The following PBRM1 variants were observed in gnomAD, a reference collection of about 807,000 sequenced individuals.
PBRM1 encodes the protein polybromo 1, also known as protein polybromo-1.
Under a neutral mutation model 194.5 loss-of-function variants are expected in PBRM1, and 27 were observed. The ratio of observed to expected loss-of-function variants is 0.14; its 90% CI spans 0.10 to 0.19. The LOEUF is 0.19. PBRM1 is among the 10% of genes least tolerant of loss of function. The probability of loss-of-function intolerance (pLI) is 1.00; values close to 1 mark genes in which losing one functional copy is unlikely to be tolerated. For missense variants in PBRM1, 1,466 were observed against 2,077.2 expected (o/e 0.71, Z 5.72); for synonymous variants, 655 against 693.2 (o/e 0.94, Z 0.87).
At chr3:52,671,146 CTCTTT>C in intron 2 of PBRM1, among the ~76,000 whole-genome samples, 1 of 152,350 alleles carries the variant, frequency 6.6e-6, no homozygotes, top group Admixed American at 6.5e-5. Context: ...AAATAAATTT[CTCTTT>C]TGTTTCAGCC....
At chr3:52,632,254 C>A (rs1012083330) in intron 11 of PBRM1, among the ~76,000 whole-genome samples, 7 of 152,082 alleles carry the variant, frequency 4.6e-5, no homozygotes. Context: ...AAAATATACT[C>A]CATGACATTA....
At chr3:52,613,131 ATT>A (rs2094737837) in intron 15 of PBRM1, among the ~76,000 whole-genome samples, 1 of 152,050 alleles carries the variant, frequency 6.6e-6, no homozygotes, top group Admixed American at 6.6e-5. Flanking sequence ...TTTTATTTTT[ATT>A]TGTTTTATCC....
intron 9 of PBRM1, among the ~76,000 whole-genome samples, chr3:52,642,547 C>T (rs1297215271): frequency 7.2e-6 from 1 of 138,992 alleles, no homozygotes; most frequent in East Asian, 2.2e-4. Context: ...ATCCAGGAGG[C>T]AGAGGTTGCA....
exon 23 of PBRM1, chr3:52,564,180 T>C (rs1370836009): frequency 6.2e-7 from 1 of 1,613,842 alleles, no homozygotes; most frequent in African/African-American, 1.3e-5. Flanking sequence ...TTTTCTGGTA[T>C]TTCAGTTGGC....
At chr3:52,558,731 C>A (rs555852464) in intron 25 of PBRM1, among the ~76,000 whole-genome samples, 1 of 152,184 alleles carries the variant, frequency 6.6e-6, no homozygotes, top group African/African-American at 2.4e-5. Flanking sequence ...ACGAGGCACC[C>A]TGAAGATGAG....
intron 2 of PBRM1, 70 bp downstream of exon 3, chr3:52,678,430 C>T: frequency 9.9e-7 from 1 of 1,014,158 alleles, no homozygotes; most frequent in South Asian, 1.4e-5. Context: ...AGCTCAATTT[C>T]CAAACACTTT....
At chr3:52,558,683 G>T (rs1322178906) in intron 25 of PBRM1, among the ~76,000 whole-genome samples, 1 of 152,176 alleles carries the variant, frequency 6.6e-6, no homozygotes, top group Non-Finnish European at 1.5e-5. Context: ...CAGGTTTTAT[G>T]TAAACACGTC....
At chr3:52,590,657 A>G (rs1265324737) in intron 17 of PBRM1, among the ~76,000 whole-genome samples, 1 of 143,868 alleles carries the variant, frequency 7.0e-6, no homozygotes, top group Non-Finnish European at 1.5e-5. Context: ...TTTTTTAGAC[A>G]GTCTCACTCT....
At chr3:52,590,162 C>T (rs1043279818) in intron 17 of PBRM1, among the ~76,000 whole-genome samples, 4 of 151,722 alleles carry the variant, frequency 2.6e-5, no homozygotes, top group Non-Finnish European at 1.5e-5. Context: ...ATTAATAGTT[C>T]CAGTACAGGC....
intron 3 of PBRM1, 43 bp from the exon 5 acceptor site, chr3:52,662,319 T>C (rs1332226260): frequency 6.6e-6 from 10 of 1,519,124 alleles, no homozygotes; most frequent in Non-Finnish European, 6.2e-6. Context: ...TTTAGTAATG[T>C]ATTGGAAATT....
intron 11 of PBRM1, among the ~76,000 whole-genome samples, chr3:52,633,726 C>A (rs921067272): frequency 6.6e-6 from 1 of 152,150 alleles, no homozygotes; most frequent in East Asian, 1.9e-4. Context: ...TGGTATCACA[C>A]AAAAGTTCTG....
At chr3:52,638,740 T>A (rs998258393) in intron 10 of PBRM1, among the ~76,000 whole-genome samples, 3 of 151,710 alleles carry the variant, frequency 2.0e-5, no homozygotes, top group Admixed American at 6.6e-5. Flanking sequence ...ACTACAGACA[T>A]GCACCACACC....
intron 18 of PBRM1, among the ~76,000 whole-genome samples, chr3:52,588,600 C>A (rs376777455): frequency 2.1e-5 from 3 of 143,920 alleles, no homozygotes; most frequent in South Asian, 2.2e-4. Flanking sequence ...GTCACCCAGG[C>A]TGGAGTGCAG....
At chr3:52,664,573 T>TA (rs2096793229) in intron 3 of PBRM1, among the ~76,000 whole-genome samples, 1 of 151,204 alleles carries the variant, frequency 6.6e-6, no homozygotes, top group Admixed American at 6.6e-5. Flanking sequence ...CTGTCTCTAC[T>TA]AAAATACAAA....
At chr3:52,596,021 C>T (rs1310874936) in intron 17 of PBRM1, among the ~76,000 whole-genome samples, 1 of 152,148 alleles carries the variant, frequency 6.6e-6, no homozygotes, top group Non-Finnish European at 1.5e-5. Context: ...TATGCCAGCA[C>T]CATGCTGTTT....
chr3:52,554,966 A>G, intron 26 of PBRM1, 87 bp from the exon 29 acceptor site: 1 of 1,042,840 alleles, frequency 9.6e-7, no homozygotes, highest in Non-Finnish European at 1.5e-6. Context: ...ATGCACTACC[A>G]ATGAATAAAG....
At chr3:52,674,645 T>A (rs7645070) in intron 2 of PBRM1, among the ~76,000 whole-genome samples, 5,219 of 64,396 alleles carry the variant, frequency 0.081, 230 homozygotes, top group African/African-American at 0.16. Context: ...AAAAAAAAAA[T>A]ATATATATAT....
chr3:52,581,441 C>T (rs1049468211), intron 20 of PBRM1, among the ~76,000 whole-genome samples: 2 of 148,700 alleles, frequency 1.3e-5, no homozygotes, highest in African/African-American at 2.5e-5. Context: ...ACTCATGAGG[C>T]GGAGGTTGCA....
chr3:52,563,605 A>G, intron 23 of PBRM1, 112 bp from the exon 26 acceptor site: 2 of 706,622 alleles, frequency 2.8e-6, no homozygotes, highest in African/African-American at 3.5e-5. Flanking sequence ...TCTGCAATAT[A>G]TGCTCTAAAG....
Sources: allele counts gnomAD v4.1 joint callset (sites outside exome capture counted in the v4.1 genomes callset), GRCh38; gene constraint gnomAD v4.1.1; transcripts MANE v1.5; gene names NCBI Gene and HGNC (gene_info 2026-07-23, HGNC 2026-07-21).